Variants in COL22A1 observed in about 807,000 individuals in gnomAD.
COL22A1 encodes collagen type XXII alpha 1 chain, also known as collagen alpha-1(XXII) chain.
A neutral mutation model predicts 248.9 loss-of-function variants in COL22A1; 221 were observed. The ratio of observed to expected loss-of-function variants is 0.89; its 90% CI spans 0.80 to 0.99. The LOEUF is 0.99. COL22A1 is among the 50% of genes least tolerant of loss of function. The probability of loss-of-function intolerance (pLI) is 0.00; values close to 1 mark genes in which losing one functional copy is unlikely to be tolerated. For synonymous variants in COL22A1, 891 were observed against 793.4 expected (o/e 1.12, Z -2.07); for missense variants, 2,240 against 2,179.0 (o/e 1.03, Z -0.56).
chr8:138,856,122 C>T (rs527920874), intron 3 of COL22A1, among the ~76,000 whole-genome samples: 8 of 152,214 alleles, frequency 5.3e-5, no homozygotes, highest in Non-Finnish European at 8.8e-5. Context: ...GAAATTACTA[C>T]AAATGGCAAA....
intron 7 of COL22A1, among the ~76,000 whole-genome samples, chr8:138,814,063 C>G (rs887901360): frequency 6.6e-6 from 1 of 152,256 alleles, no homozygotes; most frequent in South Asian, 2.1e-4. Flanking sequence ...CACACACACA[C>G]AGTCTACAGA....
At chr8:138,775,847 C>A (rs1814400084) in intron 16 of COL22A1, 119 bp downstream of exon 16, 1 of 960,524 alleles carries the variant, frequency 1.0e-6, no homozygotes. Flanking sequence ...CACATGTGCA[C>A]ACATGCACAC....
intron 3 of COL22A1, among the ~76,000 whole-genome samples, chr8:138,857,215 C>G (rs1399122394): frequency 1.3e-5 from 2 of 152,266 alleles, no homozygotes; most frequent in Admixed American, 1.3e-4. Context: ...GTACCTCCTG[C>G]CCCGGAGACA....
intron 47 of COL22A1, among the ~76,000 whole-genome samples, 168 bp from the exon 48 acceptor site, chr8:138,636,963 G>C (rs781410936): frequency 1.3e-5 from 2 of 152,138 alleles, no homozygotes; most frequent in African/African-American, 4.8e-5. Context: ...AACAGGGCCT[G>C]GTTGAGGATG....
At chr8:138,681,665 T>C (rs947431101) in intron 39 of COL22A1, among the ~76,000 whole-genome samples, 1 of 152,122 alleles carries the variant, frequency 6.6e-6, no homozygotes, top group Admixed American at 6.5e-5. Flanking sequence ...CGGGGGAGCC[T>C]GCCACGTATC....
intron 25 of COL22A1, among the ~76,000 whole-genome samples, chr8:138,722,859 G>GGC (rs1218109865): frequency 1.9e-5 from 2 of 104,114 alleles, no homozygotes; most frequent in South Asian, 4.4e-4. Context: ...GCGGGGGGGG[G>GGC]GTGGTGGAAA....
chr8:138,781,038 A>G, intron 12 of COL22A1, 58 bp from the exon 13 acceptor site: 1 of 1,261,956 alleles, frequency 7.9e-7, no homozygotes, highest in Non-Finnish European at 1.1e-6. Flanking sequence ...AGGCTCTCAG[A>G]ATGCTAGTGC....
chr8:138,725,900 A>G (rs1229623075), intron 23 of COL22A1, among the ~76,000 whole-genome samples: 1 of 152,152 alleles, frequency 6.6e-6, no homozygotes, highest in African/African-American at 2.4e-5. Context: ...GGGTGAGTAA[A>G]AAGATCTCAC....
intron 37 of COL22A1, among the ~76,000 whole-genome samples, chr8:138,686,405 G>A (rs1354709277): frequency 6.6e-6 from 1 of 152,168 alleles, no homozygotes; most frequent in Non-Finnish European, 1.5e-5. Flanking sequence ...GCCCTGGGTG[G>A]AAGCTGCAAT....
intron 12 of COL22A1, among the ~76,000 whole-genome samples, chr8:138,784,145 A>T (rs1451209783): frequency 6.6e-6 from 1 of 152,212 alleles, no homozygotes; most frequent in African/African-American, 2.4e-5. Context: ...TTAAAAGAGG[A>T]AACACTGAGA....
At position 138,826,695 on chromosome 8, in the gene COL22A1, T is replaced by C. The variant is rs771268939; in HGVS notation, c.932A>G (p.Tyr311Cys). ...FRKTSRKEDW[Y>C]IWQVIDQYSI... ...GTACTGGTCGATGACCTGCCAGATA[T>C]ACCAGTCTTCCTTCCGAGAGGTTTT... The change falls in exon 6 of 65, where the codon TAT (tyrosine) becomes TGT (cysteine). Residue 311 changes from tyrosine to cysteine, a missense_variant. By Grantham distance (194) the Tyr-to-Cys change is radical. Coordinates refer to ENST00000303045, the MANE Select transcript of COL22A1 (RefSeq NM_152888.3). The C allele has an allele frequency of 6.2e-7, 1 of 1,613,864 alleles. No individual in the cohort carries two copies. Among genetic ancestry groups the C allele is most frequent in the Non-Finnish European group, 8.5e-7 (1 of 1,179,840 alleles).
intron 3 of COL22A1, among the ~76,000 whole-genome samples, chr8:138,877,125 G>A (rs1398319517): frequency 6.6e-6 from 1 of 150,840 alleles, no homozygotes; most frequent in African/African-American, 2.4e-5. Flanking sequence ...CCCACCCCCA[G>A]CCACAATCAA....
intron 25 of COL22A1, among the ~76,000 whole-genome samples, chr8:138,723,926 C>T (rs1162514619): frequency 6.6e-6 from 1 of 152,194 alleles, no homozygotes; most frequent in Non-Finnish European, 1.5e-5. Flanking sequence ...TCACCTCCGC[C>T]TCACCCCTCC....
intron 47 of COL22A1, among the ~76,000 whole-genome samples, chr8:138,642,532 CT>C (rs2130457118): frequency 6.6e-6 from 1 of 152,226 alleles, no homozygotes; most frequent in South Asian, 2.1e-4. Context: ...AATTGTTGTT[CT>C]TTTTTTCTGG....
At position 138,821,420 on chromosome 8, in the gene COL22A1, G is replaced by A. The variant is rs1819120749; in HGVS notation, c.970-9C>T. On this transcript the variant is annotated splice_polypyrimidine_tract_variant and intron_variant, in intron 6 of 64. Coordinates refer to ENST00000303045, the MANE Select transcript of COL22A1 (RefSeq NM_152888.3). ...TCCAGCCGGATGGAGACCTGGGGAG[G>A]AAAGGACCAGAGACTCCTTGAGCTT... 1.2e-6 allele frequency: 2 copies of A among 1,610,338 alleles called. No individual in the cohort carries two copies. The highest frequency in any genetic ancestry group is 4.5e-5 in the East Asian group (2 of 44,750).
At chr8:138,890,189 T>A (rs1824952943) in intron 1 of COL22A1, among the ~76,000 whole-genome samples, 1 of 152,000 alleles carries the variant, frequency 6.6e-6, no homozygotes. Flanking sequence ...CCCAGCACCC[T>A]TTCATGATAA....
At chr8:138,881,406 G>GC (rs1383802386) in intron 2 of COL22A1, among the ~76,000 whole-genome samples, 2 of 152,048 alleles carry the variant, frequency 1.3e-5, no homozygotes, top group Non-Finnish European at 2.9e-5. Context: ...CACTTTCTGG[G>GC]TGGGTGTGGT....
Position 138,658,866 on chromosome 8 carries a change from A to ATCTTCTCTCTTCTCTCTTCTCTCTTCTC in COL22A1, c.3285+1569_3285+1570insGAGAAGAGAGAAGAGAGAAGAGAGAAGA, listed in dbSNP as rs138800901. Among the ~76,000 whole-genome samples, 350 of 150,924 alleles carry ATCTTCTCTCTTCTCTCTTCTCTCTTCTC rather than the reference A, an allele frequency of 2.3e-3. 1 individual carries two copies. The highest frequency in any genetic ancestry group is 8.3e-3 in the African/African-American group (339 of 40,766). On this transcript the variant is annotated intron_variant, in intron 44 of 64. Transcript: ENST00000303045. Reference sequence around the variant, plus strand: ...GGAGTATGTTCAGTTAATCTAACAGATCTTCTCTCTTCTCTCTTCTCTCTC... The same window carrying ATCTTCTCTCTTCTCTCTTCTCTCTTCTC: ...GGAGTATGTTCAGTTAATCTAACAGATCTTCTCTCTTCTCTCTTCTCTCTTCTCTCTTCTCTCTTCTCTCTTCTCTCTC...
Position 138,720,754 on chromosome 8 carries a change from TC to T in COL22A1, c.2339del (p.Gly780GlufsTer35). On this transcript the variant is annotated frameshift_variant, in exon 27 of 65. Transcript: ENST00000303045. LOFTEE classifies it high-confidence loss of function. Reference protein sequence around the residue: ...PGERGEDGLPGKPGLRGEIGE... With the variant: ...PGERGEDGLPXKPGLRGEIGE... ...AAGTCCATACCCGAAGGCCTGGTTT[TC>T]CAGGCAGACCATCTTCCCCTCTTTC... The T allele has an allele frequency of 4.3e-6, 7 of 1,613,944 alleles. No individual in the cohort carries two copies. Among genetic ancestry groups the T allele is most frequent in the Non-Finnish European group, 5.9e-6 (7 of 1,179,788 alleles).
Sources: allele counts gnomAD v4.1 joint callset (sites outside exome capture counted in the v4.1 genomes callset), GRCh38; gene constraint gnomAD v4.1.1; transcripts MANE v1.5; gene names NCBI Gene and HGNC (gene_info 2026-07-23, HGNC 2026-07-21).